The following SLIT1 variants were observed in gnomAD, a reference collection of about 807,000 sequenced individuals.
The protein encoded by SLIT1 is slit guidance ligand 1, also known as slit homolog 1 protein.
In SLIT1, 66 loss-of-function variants were observed where a neutral mutation model predicts 186.1. That is an observed-to-expected ratio of 0.35 (90% confidence interval 0.29 to 0.44). The LOEUF (loss-of-function observed/expected upper bound fraction) is 0.44. Among genes scored for constraint, SLIT1 ranks in the 20% least tolerant of loss-of-function variants. The pLI is 1.00. For missense variants in SLIT1, 1,638 were observed against 2,037.4 expected, an observed-to-expected ratio of 0.80 and a Z score of 3.77; for synonymous variants, 761 against 833.8, an observed-to-expected ratio of 0.91 and a Z score of 1.50.
intron 3 of SLIT1, among the ~76,000 whole-genome samples, chr10:97,159,746 C>T (rs181719400): frequency 9.1e-4 from 139 of 152,258 alleles, no homozygotes; most frequent in East Asian, 7.7e-4. Flanking sequence ...GAGCTCATCG[C>T]GGGCGGGAAA....
At chr10:97,141,675 TCG>T (rs1491579304) in intron 4 of SLIT1, among the ~76,000 whole-genome samples, 3 of 107,100 alleles carry the variant, frequency 2.8e-5, no homozygotes, top group Non-Finnish European at 5.6e-5. Flanking sequence ...TTGCATTGTA[TCG>T]TATTGTATCG....
At chr10:97,183,659 T>C (rs1183380123) in intron 1 of SLIT1, among the ~76,000 whole-genome samples, 1 of 152,174 alleles carries the variant, frequency 6.6e-6, no homozygotes, top group Non-Finnish European at 1.5e-5. Context: ...AAAGAGTTCA[T>C]GGAAGTCTTA....
Position 97,067,884 on chromosome 10 carries a change from C to T in SLIT1, c.414-1798G>A, listed in dbSNP as rs371068763. On this transcript the variant is annotated intron_variant, in intron 4 of 36. Coordinates refer to ENST00000266058, the MANE Select transcript of SLIT1 (RefSeq NM_003061.3). ...TTTCAGCCCCTCACCCCACAGGGTC[C>T]GAGAACACAGCCCACAGCCCCCTGC... Among the ~76,000 whole-genome samples the T allele has an allele frequency of 1.9e-4, 29 of 152,286 alleles. No homozygotes were observed. In the East Asian group the frequency reaches 3.9e-3, roughly 20 times the overall value.
At chr10:97,110,865 A>C (rs1849457992) in intron 4 of SLIT1, among the ~76,000 whole-genome samples, 1 of 152,140 alleles carries the variant, frequency 6.6e-6, no homozygotes, top group African/African-American at 2.4e-5. Flanking sequence ...CACATTCTAA[A>C]TTTTCTTTTG....
chr10:97,092,274 C>A (rs1176647180), intron 4 of SLIT1, among the ~76,000 whole-genome samples: 1 of 152,232 alleles, frequency 6.6e-6, no homozygotes, highest in East Asian at 1.9e-4. Flanking sequence ...CCAAAAATGT[C>A]ACATATCCTG....
At chr10:97,036,183 T>C (rs1249208248) in intron 22 of SLIT1, among the ~76,000 whole-genome samples, 4 of 152,188 alleles carry the variant, frequency 2.6e-5, no homozygotes, top group Admixed American at 2.6e-4. Context: ...GTTCCTCTAA[T>C]CTAATTCTAA....
rs766056900 is a variant in SLIT1 at position 97,047,855 on chromosome 10, C to T, written c.1490-21G>A. 3 of 1,613,404 alleles carry T rather than the reference C, an allele frequency of 1.9e-6. No individual in the cohort carries two copies. The East Asian group carries it at 6.7e-5, about 36-fold the overall frequency. On this transcript the variant is annotated intron_variant, in intron 15 of 36. Coordinates refer to ENST00000266058, the MANE Select transcript of SLIT1 (RefSeq NM_003061.3). ...CGTGCCTGCCATGAGAGGGTGGGGG[C>T]AGAGGCTGAGGAGCCCGGGGCCGGC...
intron 3 of SLIT1, among the ~76,000 whole-genome samples, chr10:97,161,432 C>T (rs1221281039): frequency 1.3e-5 from 2 of 152,300 alleles, no homozygotes; most frequent in Middle Eastern, 3.4e-3. Context: ...AGGAGGGCAA[C>T]GAGGCAATCG....
At chr10:97,045,414 G>A (rs1054955966) in intron 18 of SLIT1, among the ~76,000 whole-genome samples, 24 of 152,160 alleles carry the variant, frequency 1.6e-4, no homozygotes, top group African/African-American at 5.1e-4. Context: ...TTCTGTATGC[G>A]TGCATGCTTG....
At chr10:97,141,242 C>T (rs921592986) in intron 4 of SLIT1, among the ~76,000 whole-genome samples, 1 of 152,220 alleles carries the variant, frequency 6.6e-6, no homozygotes, top group Non-Finnish European at 1.5e-5. Context: ...GTCTAGGAAG[C>T]CTGCCTCGTG....
intron 31 of SLIT1, among the ~76,000 whole-genome samples, chr10:97,008,682 G>A (rs1306747494): frequency 1.4e-5 from 2 of 139,228 alleles, no homozygotes; most frequent in Admixed American, 1.4e-4. Flanking sequence ...GGAAACAAGA[G>A]CAAAACTCTG....
intron 4 of SLIT1, among the ~76,000 whole-genome samples, chr10:97,076,390 T>G (rs1353260337): frequency 2.0e-5 from 3 of 152,184 alleles, no homozygotes; most frequent in Admixed American, 2.0e-4. Flanking sequence ...GACGCTGGGA[T>G]GCACATGCTG....
chr10:97,128,453 C>T (rs1336366414), intron 4 of SLIT1, among the ~76,000 whole-genome samples: 2 of 152,172 alleles, frequency 1.3e-5, no homozygotes, highest in African/African-American at 2.4e-5. Flanking sequence ...GAGCTGTGAA[C>T]GTCCACCAGG....
Position 97,185,340 on chromosome 10 carries a change from G to A in SLIT1, c.197+138C>T. Reference sequence around the variant, plus strand: ...TGGCTCCTGGCTCGGGAAAGACCCCGGCAGGCACTGACCCGTCTGTGGGCT... The same window carrying A: ...TGGCTCCTGGCTCGGGAAAGACCCCAGCAGGCACTGACCCGTCTGTGGGCT... On this transcript the variant is annotated intron_variant, in intron 1 of 36. Transcript: ENST00000266058. The A allele has an allele frequency of 7.5e-6, 6 of 798,032 alleles. No homozygotes were observed. The South Asian group carries it at 9.2e-5, about 12-fold the overall frequency. The allele number at this position is 798,032 out of a possible 1,614,324, so 49.4% of individuals were successfully genotyped here.
At chr10:97,080,767 C>A (rs1331968462) in intron 4 of SLIT1, among the ~76,000 whole-genome samples, 1 of 152,254 alleles carries the variant, frequency 6.6e-6, no homozygotes, top group Non-Finnish European at 1.5e-5. Context: ...ACGTATTGGT[C>A]ATTTGACAAA....
intron 20 of SLIT1, among the ~76,000 whole-genome samples, chr10:97,042,014 T>C (rs1848694461): frequency 6.6e-6 from 1 of 152,002 alleles, no homozygotes; most frequent in Non-Finnish European, 1.5e-5. Context: ...AAAATATATA[T>C]GTAAATAGTA....
At chr10:97,048,057 C>G (rs1848750700) in intron 14 of SLIT1, 61 bp from the exon 15 acceptor site, 1 of 1,585,698 alleles carries the variant, frequency 6.3e-7, no homozygotes. Context: ...AGTAACAGCC[C>G]AGGCCCCAGC....
At chr10:97,181,860 G>A (rs768658474) in intron 1 of SLIT1, among the ~76,000 whole-genome samples, 1 of 152,174 alleles carries the variant, frequency 6.6e-6, no homozygotes, top group Non-Finnish European at 1.5e-5. Flanking sequence ...CCAGGGCTGG[G>A]GGAACCAGCG....
chr10:97,011,144 G>A lies in SLIT1; in HGVS notation c.3204-14C>T. ...ATGCACTCACACCTAGTGGGTGGGG[G>A]GCAGGGGTAGTTGGGGGGTCAGCCA... is the stretch of plus-strand genomic sequence containing the variant. On this transcript the variant is annotated splice_polypyrimidine_tract_variant and intron_variant, in intron 30 of 36. Transcript: ENST00000266058. The A allele has an allele frequency of 6.2e-7, 1 of 1,608,646 alleles. No homozygotes were observed.
Sources: allele counts gnomAD v4.1 joint callset (sites outside exome capture counted in the v4.1 genomes callset), GRCh38; gene constraint gnomAD v4.1.1; transcripts MANE v1.5; gene names NCBI Gene and HGNC (gene_info 2026-07-23, HGNC 2026-07-21).